Variants in CNOT1 observed in about 807,000 individuals in gnomAD.
CNOT1 encodes CCR4-NOT transcription complex subunit 1.
CNOT1 carries 15 observed loss-of-function variants against 273.8 expected under a neutral mutation model. The observed-to-expected ratio is 0.05, with a 90% confidence interval of 0.04 to 0.08. The LOEUF is 0.08. CNOT1 is among the 10% of genes least tolerant of loss of function. The pLI is 1.00. For synonymous variants in CNOT1, 1,022 were observed against 1,005.5 expected (o/e 1.02, Z -0.31); for missense variants, 1,644 against 2,912.2 (o/e 0.56, Z 10.02).
At chr16:58,534,732 T>C (rs2039873649) in intron 39 of CNOT1, among the ~76,000 whole-genome samples, 1 of 152,298 alleles carries the variant, frequency 6.6e-6, no homozygotes, top group African/African-American at 2.4e-5. Context: ...TGTTAAGACA[T>C]TGTGGACTCC....
chr16:58,528,976 G>A (rs911086095), intron 43 of CNOT1, among the ~76,000 whole-genome samples: 2 of 150,462 alleles, frequency 1.3e-5, no homozygotes, highest in Non-Finnish European at 3.0e-5. Flanking sequence ...ACCAAAGAAA[G>A]TAGAGTAAAA....
intron 1 of CNOT1, among the ~76,000 whole-genome samples, chr16:58,604,290 T>C (rs1281521635): frequency 6.6e-6 from 1 of 152,180 alleles, no homozygotes; most frequent in African/African-American, 2.4e-5. Context: ...AACAAGTTCA[T>C]CACAAAAATA....
intron 7 of CNOT1, 145 bp from the exon 8 acceptor site, chr16:58,585,651 G>C: frequency 2.9e-6 from 4 of 1,361,900 alleles, no homozygotes; most frequent in Middle Eastern, 2.1e-4. Flanking sequence ...CCTACTAGCC[G>C]AAGTTACGAC....
chr16:58,583,287 A>G, intron 8 of CNOT1, 105 bp from the exon 9 acceptor site: 4 of 1,526,498 alleles, frequency 2.6e-6, no homozygotes, highest in Non-Finnish European at 3.5e-6. Context: ...GTTTTACTAA[A>G]TAAAACAGGC....
chr16:58,528,328 G>A, intron 44 of CNOT1, 147 bp downstream of exon 44: 1 of 677,376 alleles, frequency 1.5e-6, no homozygotes, highest in Non-Finnish European at 2.6e-6. Flanking sequence ...CTTCTATCAG[G>A]CTTAATAACA....
chr16:58,573,760 C>T (rs1259797576), intron 16 of CNOT1, among the ~76,000 whole-genome samples: 1 of 151,804 alleles, frequency 6.6e-6, no homozygotes, highest in Non-Finnish European at 1.5e-5. Context: ...GGATTACAGG[C>T]ATGAGCCACC....
intron 6 of CNOT1, 102 bp downstream of exon 6, chr16:58,587,097 TTC>T (rs2041898986): frequency 1.4e-6 from 2 of 1,442,434 alleles, no homozygotes; most frequent in African/African-American, 1.4e-5. Context: ...AGAAATTAAT[TTC>T]AGATTATCTT....
chr16:58,556,040 C>T (rs985171097), intron 19 of CNOT1, 132 bp from the exon 20 acceptor site: 12 of 1,452,728 alleles, frequency 8.3e-6, no homozygotes, highest in Admixed American at 8.0e-5. Context: ...AGGTATTAAG[C>T]GGTCAAGTTT....
intron 2 of CNOT1, among the ~76,000 whole-genome samples, chr16:58,592,505 G>T (rs1037877833): frequency 2.0e-5 from 3 of 152,104 alleles, no homozygotes; most frequent in African/African-American, 7.2e-5. Context: ...TTGAGGCCAG[G>T]AGCTGGAGGT....
At chr16:58,521,065 T>G (rs2039350337) in intron 48 of CNOT1, 29 bp from the exon 49 acceptor site, 9 of 1,613,996 alleles carry the variant, frequency 5.6e-6, no homozygotes, top group Non-Finnish European at 7.6e-6. Context: ...TACAAATCTC[T>G]GATTAAAGAG....
In CNOT1 at chr16:58,551,644, G is replaced by C. The variant is rs960417287; in HGVS notation, c.3146C>G (p.Ala1049Gly). The change falls in exon 23 of 49, where the codon GCT becomes GGT. Residue 1049 changes from alanine (A) to glycine (G), a missense_variant. Ala to Gly is a moderately conservative substitution (Grantham distance 60). Around this residue, in one of 13 missense-constraint regions of CNOT1, gnomAD observed 77 missense variants for 90.5 expected, o/e 0.85. Coordinates refer to ENST00000317147, the MANE Select transcript of CNOT1 (RefSeq NM_016284.5). ...MVTTSTTTTV[A>G]KTVTVTRPTG... ...TGGCCTGGTGACCGTAACCGTTTTA[G>C]CAACAGTGGTAGTTGTTGAGGTGGT... The C allele has an allele frequency of 1.9e-6, 3 of 1,614,070 alleles. No individual in the cohort carries two copies. The highest frequency in any genetic ancestry group is 1.7e-6 in the Non-Finnish European group (2 of 1,180,030).
At chr16:58,602,724 C>A (rs1248682361) in intron 1 of CNOT1, among the ~76,000 whole-genome samples, 1 of 151,466 alleles carries the variant, frequency 6.6e-6, no homozygotes, top group Non-Finnish European at 1.5e-5. Flanking sequence ...GAGTGAGACT[C>A]TGTCTCAAAA....
rs973941101 is a variant in CNOT1, at chr16:58,613,308, A to G, written c.-174-13797T>C. Among the ~76,000 whole-genome samples the G allele has an allele frequency of 9.3e-5, 14 of 150,258 alleles. 3 individuals carry two copies. Among genetic ancestry groups the G allele is most frequent in the Non-Finnish European group, 1.9e-4 (13 of 67,396 alleles). ...CAGGCTCCCAAAGTGCTGGGATTAC[A>G]GGCTTGAGTCACCACGCCTGGCTTA... On this transcript the variant is annotated intron_variant, in intron 1 of 48. Transcript: ENST00000317147.
chr16:58,545,572 G>C, intron 29 of CNOT1, 81 bp from the exon 30 acceptor site: 1 of 1,573,134 alleles, frequency 6.4e-7, no homozygotes, highest in African/African-American at 1.4e-5. Flanking sequence ...TCATTAAGTG[G>C]TCATTATCTA....
intron 18 of CNOT1, among the ~76,000 whole-genome samples, chr16:58,557,527 C>CT (rs2040672259): frequency 6.6e-6 from 1 of 152,134 alleles, no homozygotes; most frequent in Non-Finnish European, 1.5e-5. Context: ...AGATTAGAGT[C>CT]AATGACAACA....
intron 44 of CNOT1, chr16:58,528,103 ACT>A (rs1221462473): frequency 2.2e-6 from 1 of 458,374 alleles, no homozygotes; most frequent in South Asian, 1.6e-5. Flanking sequence ...ACAGAGTAAG[ACT>A]CTGCCTCAAA....
At chr16:58,591,232 T>C (rs1370966808) in intron 2 of CNOT1, among the ~76,000 whole-genome samples, 2 of 152,192 alleles carry the variant, frequency 1.3e-5, no homozygotes, top group African/African-American at 4.8e-5. Context: ...TACACTGACT[T>C]GTCTGAGACT....
chr16:58,580,625 G>A lies in CNOT1; in HGVS notation c.1343+8C>T, dbSNP rs1296207900. The A allele has an allele frequency of 1.9e-5, 30 of 1,604,892 alleles. No individual in the cohort carries two copies. Among genetic ancestry groups the A allele is most frequent in the Non-Finnish European group, 2.5e-5 (30 of 1,177,286 alleles). Reference sequence around the variant, plus strand: ...TCTTTTAAATGAAAGATGAATCAAAGTGTTTACCATGTGGCAATTTCTCGA... The same window carrying A: ...TCTTTTAAATGAAAGATGAATCAAAATGTTTACCATGTGGCAATTTCTCGA... On this transcript the variant is annotated splice_region_variant and intron_variant, in intron 12 of 48. Coordinates refer to ENST00000317147, the MANE Select transcript of CNOT1 (RefSeq NM_016284.5).
chr16:58,606,939 T>C (rs1344559342), intron 1 of CNOT1, among the ~76,000 whole-genome samples: 1 of 152,026 alleles, frequency 6.6e-6, no homozygotes, highest in East Asian at 1.9e-4. Flanking sequence ...GGGAAAGGAT[T>C]ATAAAATGGC....
Sources: gnomAD v4.1 joint callset for allele counts (sites outside exome capture counted in the v4.1 genomes callset) on GRCh38, gnomAD v4.1.1 for gene constraint, gnomAD v4.1.1 regional missense constraint, MANE v1.5 for transcripts, NCBI Gene and HGNC (gene_info 2026-07-23, HGNC 2026-07-21) for gene names.